RNF32: variants seen among roughly 807,000 people sequenced by gnomAD.
RNF32 encodes ring finger protein 32.
Under a neutral mutation model 41.0 loss-of-function variants are expected in RNF32, and 36 were observed. The ratio of observed to expected loss-of-function variants is 0.88; its 90% CI spans 0.67 to 1.16. The LOEUF (loss-of-function observed/expected upper bound fraction) is 1.16, where lower values mean the gene tolerates loss of function less well. Among genes scored for constraint, RNF32 ranks in the 50% most tolerant of loss-of-function variants. The pLI, the probability that RNF32 is intolerant of heterozygous loss-of-function variation, is 0.00. For synonymous variants in RNF32, 154 were observed against 160.9 expected (o/e 0.96, Z 0.32); for missense variants, 413 against 436.7 (o/e 0.95, Z 0.48).
At chr7:156,659,685 T>C in intron 7 of RNF32, 1 of 918,286 alleles carries the variant, frequency 1.1e-6, no homozygotes, top group Non-Finnish European at 1.3e-6. Flanking sequence ...AAAGGCCCAC[T>C]GAAAGTGTTG....
chr7:156,640,299 G>A (rs560199955), upstream of RNF32: 1 of 450,548 alleles, frequency 2.2e-6, no homozygotes, highest in Admixed American at 2.4e-5. Flanking sequence ...AACGACCACA[G>A]CCACCGCAGG....
intron 7 of RNF32, among the ~76,000 whole-genome samples, chr7:156,668,295 T>A (rs536596012): frequency 6.6e-6 from 1 of 152,210 alleles, no homozygotes; most frequent in South Asian, 2.1e-4. Flanking sequence ...ATCCCACCAG[T>A]CATTCATGTG....
chr7:156,657,796 T>C lies in RNF32; in HGVS notation c.450+223T>C, dbSNP rs189472915. The C allele has an allele frequency of 1.4e-4, 87 of 609,712 alleles. No individual in the cohort carries two copies. In the African/African-American group the frequency reaches 1.5e-3, roughly 11 times the overall value. 37.8% of individuals were successfully genotyped at this position (609,712 alleles called of 1,614,324 possible). On this transcript the variant is annotated intron_variant, in intron 5 of 8. Transcript: ENST00000317955. ...CCACAAATGTTTATGTAACAGATTG[T>C]TGTCAGTAATGCATGTCAAAGTGAC...
rs768108230 is a variant in RNF32 at position 156,676,335 on chromosome 7, C to T, written c.853-84C>T. 39 of 1,613,094 alleles carry T rather than the reference C, an allele frequency of 2.4e-5. No individual in the cohort carries two copies. In the South Asian group the frequency reaches 3.6e-4, roughly 15 times the overall value. On this transcript the variant is annotated intron_variant, in intron 8 of 8. Transcript: ENST00000317955. The stretch of plus-strand genomic sequence containing the variant: ...TGTTTCGAAGACCCATGTCTCGGGG[C>T]ACATGGTTCGCATTTCAGTTTAAGT...
At chr7:156,668,716 G>A (rs1183337135) in intron 7 of RNF32, among the ~76,000 whole-genome samples, 1 of 152,214 alleles carries the variant, frequency 6.6e-6, no homozygotes, top group Non-Finnish European at 1.5e-5. Context: ...CTACACGGGA[G>A]CTCTCTGTTA....
Position 156,642,673 on chromosome 7 carries a change from G to A in RNF32, c.-77-1128G>A, listed in dbSNP as rs1035130783. On this transcript the variant is annotated intron_variant, in intron 1 of 8. Coordinates refer to ENST00000317955, the MANE Select transcript of RNF32 (RefSeq NM_030936.4). Reference sequence around the variant, plus strand: ...CATCCAGGCAGCTCAGGACCAAGGCGGGCAACAGTCCTGGAGAGGACGGCA... The same window carrying A: ...CATCCAGGCAGCTCAGGACCAAGGCAGGCAACAGTCCTGGAGAGGACGGCA... 3.3e-5 allele frequency among the ~76,000 whole-genome samples: 5 copies of A among 152,320 alleles called. No homozygotes were observed. The East Asian group carries it at 9.6e-4, about 29-fold the overall frequency.
rs778813206 is a variant in RNF32 at position 156,644,609 on chromosome 7, A to AAT, written c.126_127insAT (p.Gln43IlefsTer11). 7.6e-5 allele frequency: 123 copies of AAT among 1,613,676 alleles called. No homozygotes were observed. The South Asian group carries it at 1.2e-3, about 16-fold the overall frequency. On this transcript the variant is annotated frameshift_variant, in exon 3 of 9. Coordinates refer to ENST00000317955, the MANE Select transcript of RNF32 (RefSeq NM_030936.4). LOFTEE classifies it high-confidence loss of function. Reference sequence around the variant, plus strand: ...TTTCAGTTGCAGATCATTCTAAGACACAAGTACAAAAGAAAGAGAACAAAT... The same window carrying AAT: ...TTTCAGTTGCAGATCATTCTAAGACAATCAAGTACAAAAGAAAGAGAACAAAT...
chr7:156,641,755 G>A (rs998770011), intron 1 of RNF32, among the ~76,000 whole-genome samples: 2 of 152,200 alleles, frequency 1.3e-5, no homozygotes, highest in African/African-American at 4.8e-5. Flanking sequence ...GCAGGTTATA[G>A]GCATTTTGGA....
chr7:156,658,933 CATCTCATAG>C, intron 7 of RNF32: 1 of 1,535,680 alleles, frequency 6.5e-7, no homozygotes, highest in Non-Finnish European at 8.7e-7. Context: ...ATCTGCTGCA[CATCTCATAG>C]TAATGAAAAT....
rs150476055 is a variant in RNF32, at chr7:156,647,541, C to T, written c.274+2784C>T. On this transcript the variant is annotated intron_variant, in intron 3 of 8. Coordinates refer to ENST00000317955, the MANE Select transcript of RNF32 (RefSeq NM_030936.4). ...TCTTTTTTGTGGCTGAGTAGTATTC[C>T]ATGGTGTATATATACCACATTTTCT... Among the ~76,000 whole-genome samples, 1,145 of 152,276 alleles carry T rather than the reference C, an allele frequency of 7.5e-3. 9 individuals carry two copies. The highest frequency in any genetic ancestry group is 0.013 in the Non-Finnish European group (880 of 68,024).
rs1804092887 is a variant in RNF32 at position 156,676,564 on chromosome 7, C to A, written c.998C>A (p.Ala333Glu). 1 of 1,614,096 alleles carries A rather than the reference C, an allele frequency of 6.2e-7. No homozygotes were observed. Among genetic ancestry groups the A allele is most frequent in the Non-Finnish European group, 8.5e-7 (1 of 1,180,038 alleles). Residue 333 changes from alanine (A) to glutamate (E), a missense_variant, in exon 9 of 9, where the codon GCA (alanine) becomes GAA (glutamate). Transcript: ENST00000317955. ...SHVFHHACLL[A>E]LEEFSVGDRP... ...GTGTTCCACCATGCGTGTCTGCTGGCACTAGAGGAGTTCTCCGTGGGAGAC... is the reference window on the plus strand; with the variant it reads ...GTGTTCCACCATGCGTGTCTGCTGGAACTAGAGGAGTTCTCCGTGGGAGAC...
intron 7 of RNF32, chr7:156,659,781 T>G (rs1291651136): frequency 3.0e-6 from 2 of 675,572 alleles, no homozygotes; most frequent in African/African-American, 3.9e-5. Flanking sequence ...CCTTGTGTTA[T>G]CTTGTAAAGT....
upstream of RNF32, chr7:156,640,680 G>C (rs1444909367): frequency 3.2e-6 from 1 of 316,260 alleles, no homozygotes; most frequent in Non-Finnish European, 6.0e-6. Flanking sequence ...GGGCGGGGCA[G>C]GGCTGGTGAG....
intron 7 of RNF32, among the ~76,000 whole-genome samples, chr7:156,672,423 G>A (rs771747064): frequency 9.2e-5 from 14 of 152,190 alleles, no homozygotes; most frequent in Non-Finnish European, 1.8e-4. Flanking sequence ...GGAGGCAATA[G>A]GTGACATCAG....
At chr7:156,646,465 T>C (rs1179227561) in intron 3 of RNF32, 1 of 1,302,770 alleles carries the variant, frequency 7.7e-7, no homozygotes, top group African/African-American at 1.5e-5. Context: ...ATACCATTCA[T>C]AGGATGTACA....
chr7:156,641,097 C>G lies in RNF32; in HGVS notation c.-78+286C>G, dbSNP rs553567835. On this transcript the variant is annotated intron_variant, in intron 1 of 8. Coordinates refer to ENST00000317955, the MANE Select transcript of RNF32 (RefSeq NM_030936.4). ...GATCCCACGTCGGTAATTTTAGAAC[C>G]CGGTAGGACCGGCTGCCATCAGGGG... is the stretch of plus-strand genomic sequence containing the variant. 2.0e-5 allele frequency: 3 copies of G among 152,534 alleles called. No homozygotes were observed. The South Asian group carries it at 6.2e-4, about 31-fold the overall frequency. 9.4% of individuals were successfully genotyped at this position (152,534 alleles called of 1,614,324 possible).
chr7:156,661,884 A>G (rs1265234731), intron 7 of RNF32, among the ~76,000 whole-genome samples: 1 of 152,110 alleles, frequency 6.6e-6, no homozygotes, highest in Non-Finnish European at 1.5e-5. Context: ...CTGTAATCTT[A>G]CCTCATTCAA....
chr7:156,662,244 C>CT (rs1563086973), intron 7 of RNF32, among the ~76,000 whole-genome samples: 2 of 152,280 alleles, frequency 1.3e-5, no homozygotes, highest in Non-Finnish European at 1.5e-5. Context: ...CCATTTGATG[C>CT]TTTTTTTCTA....
At chr7:156,645,621 TC>T (rs554878522) in intron 3 of RNF32, among the ~76,000 whole-genome samples, 35 of 152,220 alleles carry the variant, frequency 2.3e-4, no homozygotes, top group Non-Finnish European at 2.9e-5. Flanking sequence ...GAGAACCAGA[TC>T]TGCAGAAGGC....
Sources: gnomAD v4.1 joint callset for allele counts (sites outside exome capture counted in the v4.1 genomes callset) on GRCh38, gnomAD v4.1.1 for gene constraint, MANE v1.5 for transcripts, NCBI Gene and HGNC (gene_info 2026-07-23, HGNC 2026-07-21) for gene names.